SGCE: variants seen among roughly 807,000 people sequenced by gnomAD.
SGCE encodes the protein sarcoglycan epsilon.
SGCE carries 26 observed loss-of-function variants against 57.8 expected under a neutral mutation model. That is an observed-to-expected ratio of 0.45 (90% CI 0.33 to 0.62). SGCE has a LOEUF of 0.62. Among genes scored for constraint, SGCE ranks in the 20% least tolerant of loss-of-function variants. The pLI, the probability that SGCE is intolerant of heterozygous loss-of-function variation, is 0.02. For missense variants in SGCE, 468 were observed against 548.6 expected (o/e 0.85, Z 1.47); for synonymous variants, 183 against 189.5 (o/e 0.97, Z 0.28).
At chr7:94,597,407 T>G (rs1798553875) in intron 9 of SGCE, 1 of 152,168 alleles carries the variant, frequency 6.6e-6, no homozygotes, top group Admixed American at 6.5e-5. Context: ...TTATATTAAT[T>G]ATTATTTAAT....
intron 1 of SGCE, among the ~76,000 whole-genome samples, chr7:94,641,938 T>A (rs1324999728): frequency 6.6e-6 from 1 of 152,074 alleles, no homozygotes; most frequent in Non-Finnish European, 1.5e-5. Context: ...CTGGGACCAC[T>A]GCAACCGGCT....
chr7:94,611,905 A>G (rs1801104171), intron 5 of SGCE, among the ~76,000 whole-genome samples: 2 of 152,228 alleles, frequency 1.3e-5, no homozygotes, highest in South Asian at 4.1e-4. Flanking sequence ...AATAATGGGC[A>G]AAATTAAAGA....
At chr7:94,655,881 A>T in intron 1 of SGCE, 109 bp downstream of exon 1, 1 of 707,962 alleles carries the variant, frequency 1.4e-6, no homozygotes, top group Non-Finnish European at 2.6e-6. Context: ...GGACAGAAAG[A>T]GAGGCTGGTG....
intron 10 of SGCE, chr7:94,588,111 T>C (rs1394832538): frequency 3.4e-5 from 40 of 1,172,454 alleles, no homozygotes; most frequent in Non-Finnish European, 3.9e-5. Context: ...AATAATTGGC[T>C]GTGGAAAATT....
chr7:94,612,013 T>G (rs752116227), intron 5 of SGCE, among the ~76,000 whole-genome samples: 1 of 152,210 alleles, frequency 6.6e-6, no homozygotes, highest in African/African-American at 2.4e-5. Flanking sequence ...AAGTTATTAC[T>G]TTTAAGCCTT....
chr7:94,652,023 G>A (rs1568214), intron 1 of SGCE, among the ~76,000 whole-genome samples: 51,386 of 151,762 alleles, frequency 0.34, 9,534 homozygotes, highest in Non-Finnish European at 0.41. Flanking sequence ...ACTGGATTCC[G>A]AAGTTTAGAA....
intron 5 of SGCE, among the ~76,000 whole-genome samples, chr7:94,610,127 T>G (rs1800776047): frequency 6.6e-6 from 1 of 152,218 alleles, no homozygotes. Flanking sequence ...GACTACATGA[T>G]TCCAATTATA....
At chr7:94,604,317 GA>G (rs1799708848) in intron 5 of SGCE, among the ~76,000 whole-genome samples, 1 of 151,936 alleles carries the variant, frequency 6.6e-6, no homozygotes, top group Admixed American at 6.6e-5. Flanking sequence ...AATGTAAAAT[GA>G]AGTAAAACCA....
chr7:94,603,020 A>G (rs1799518252), intron 6 of SGCE, among the ~76,000 whole-genome samples: 1 of 152,184 alleles, frequency 6.6e-6, no homozygotes, highest in Non-Finnish European at 1.5e-5. Flanking sequence ...TAGCAGCTAT[A>G]TGGATGCCCA....
In SGCE at chr7:94,610,258, C is replaced by A. The variant is rs186659898; in HGVS notation, c.663-6806G>T. Among the ~76,000 whole-genome samples, 122 of 152,258 alleles carry A rather than the reference C, an allele frequency of 8.0e-4. 1 individual carries two copies. The highest frequency in any genetic ancestry group is 6.9e-3 in the Admixed American group (106 of 15,298). ...TGACTTTTAAAGCAGTGAAACTACT[C>A]TGTATGATACTATAATGATGGAAAC... On this transcript the variant is annotated intron_variant, in intron 5 of 10. Coordinates refer to ENST00000648936, the MANE Select transcript of SGCE (RefSeq NM_003919.3).
At chr7:94,621,695 A>G (rs1205989591) in intron 4 of SGCE, 1 of 152,198 alleles carries the variant, frequency 6.6e-6, no homozygotes, top group East Asian at 1.9e-4. Flanking sequence ...TTATAACTGT[A>G]ATGATGAATT....
chr7:94,588,626 A>G (rs1797230567), intron 10 of SGCE, 63 bp downstream of exon 10: 2 of 1,555,812 alleles, frequency 1.3e-6, no homozygotes, highest in South Asian at 1.1e-5. Flanking sequence ...ATATAGTGCC[A>G]TAATTATCTT....
In SGCE at chr7:94,656,085, C is replaced by A. The variant is rs147148588; in HGVS notation, c.14G>T (p.Arg5Leu). 5.0e-6 allele frequency: 8 copies of A among 1,609,292 alleles called. No homozygotes were observed. In the African/African-American group the frequency reaches 6.7e-5, roughly 13 times the overall value. MQLP[R>L]WWELGDPCAW... The stretch of plus-strand genomic sequence containing the variant: ...ACAGGGGTCTCCCAGCTCCCACCAC[C>A]GGGGCAATTGCATTCTTGGCCTGGC... The change falls in exon 1 of 11, where the codon CGG becomes CTG. Residue 5 changes from arginine to leucine, a missense_variant. Arg to Leu is a moderately radical substitution (Grantham distance 102, BLOSUM62 -2). Coordinates refer to ENST00000648936, the MANE Select transcript of SGCE (RefSeq NM_003919.3).
At chr7:94,587,803 C>G (rs370584439) in intron 10 of SGCE, 3 of 1,546,492 alleles carry the variant, frequency 1.9e-6, no homozygotes, top group Admixed American at 2.0e-5. Context: ...AGTTGTCAAA[C>G]GAAAATCTCC....
chr7:94,600,503 A>T (rs1431458980), intron 7 of SGCE, 143 bp downstream of exon 7: 2 of 650,262 alleles, frequency 3.1e-6, no homozygotes, highest in Non-Finnish European at 2.7e-6. Context: ...ATTTTAAAGG[A>T]ATAAAGTATT....
chr7:94,600,063 T>G, intron 7 of SGCE: 1 of 228,560 alleles, frequency 4.4e-6, no homozygotes, highest in Non-Finnish European at 8.5e-6. Context: ...TTTGCTTTGT[T>G]GCCCTGACTT....
At chr7:94,637,867 A>G (rs141475068) in intron 1 of SGCE, among the ~76,000 whole-genome samples, 11 of 152,290 alleles carry the variant, frequency 7.2e-5, no homozygotes, top group African/African-American at 2.6e-4. Context: ...GGCACAAGGA[A>G]CCAGGGCATG....
At position 94,656,128 on chromosome 7, in the gene SGCE, A is replaced by G. The variant is rs1474505949; in HGVS notation, c.-30T>C. 1 of 1,290,896 alleles carries G rather than the reference A, an allele frequency of 7.7e-7. No individual in the cohort carries two copies. The highest frequency in any genetic ancestry group is 2.3e-5 in the East Asian group (1 of 43,278). 80.0% of individuals were successfully genotyped at this position (1,290,896 alleles called of 1,614,324 possible). A position where few individuals can be genotyped will look rare whatever the true frequency, so the allele number is the denominator to read the frequency against. On this transcript the variant is annotated 5_prime_UTR_variant, in exon 1 of 11. Coordinates refer to ENST00000648936, the MANE Select transcript of SGCE (RefSeq NM_003919.3). ...GGCCTGGCTAGGCCGTCCGTCCTCG[A>G]TTCTCCCCTCCCCTCCCTTTCTTCT...
chr7:94,605,998 T>A (rs1430098765), intron 5 of SGCE, among the ~76,000 whole-genome samples: 2 of 152,014 alleles, frequency 1.3e-5, no homozygotes, highest in Non-Finnish European at 2.9e-5. Flanking sequence ...CCAGCTAATT[T>A]TTGTATTTTC....
Sources: allele counts gnomAD v4.1 joint callset (sites outside exome capture counted in the v4.1 genomes callset), GRCh38; gene constraint gnomAD v4.1.1; transcripts MANE v1.5; gene names NCBI Gene and HGNC (gene_info 2026-07-23, HGNC 2026-07-21).